Variants in HTR5A observed in about 807,000 individuals in gnomAD.
HTR5A encodes 5-HT-5.
Under a neutral mutation model 24.3 loss-of-function variants are expected in HTR5A, and 21 were observed. That is an observed-to-expected ratio of 0.86 (90% CI 0.61 to 1.24). The LOEUF is 1.24. Ranked by LOEUF, HTR5A falls within the 50% of genes most tolerant of loss-of-function variation. The probability of loss-of-function intolerance (pLI) is 0.00; values close to 1 mark genes in which losing one functional copy is unlikely to be tolerated. For synonymous variants in HTR5A, 260 were observed against 213.7 expected (o/e 1.22, Z -1.89); for missense variants, 497 against 489.5 (o/e 1.02, Z -0.15).
intron 1 of HTR5A, among the ~76,000 whole-genome samples, chr7:155,073,640 C>A (rs1414451919): frequency 2.0e-5 from 3 of 151,792 alleles, no homozygotes; most frequent in Non-Finnish European, 4.4e-5. Context: ...TTTTATGAAT[C>A]TTCCTCTCCC....
At chr7:155,080,911 G>A (rs1795409899) in intron 1 of HTR5A, among the ~76,000 whole-genome samples, 1 of 152,170 alleles carries the variant, frequency 6.6e-6, no homozygotes, top group East Asian at 1.9e-4. Context: ...TTATTGGGGT[G>A]AGTCTGACCT....
In HTR5A at chr7:155,084,545, C is replaced by A; in HGVS notation, c.*58C>A. 1 of 1,385,266 alleles carries A rather than the reference C, an allele frequency of 7.2e-7. No individual in the cohort carries two copies. Among genetic ancestry groups the A allele is most frequent in the Non-Finnish European group, 9.9e-7 (1 of 1,005,390 alleles). 85.8% of individuals were successfully genotyped at this position (1,385,266 alleles called of 1,614,324 possible). ...CCATAATTCAGTGGAATTCCCAGTT[C>A]ATCCATTTCCCATCCCCACCCAACA... On this transcript the variant is annotated 3_prime_UTR_variant, in exon 2 of 2. Transcript: ENST00000287907.
chr7:155,077,736 A>T (rs920054011), intron 1 of HTR5A, among the ~76,000 whole-genome samples: 1 of 152,160 alleles, frequency 6.6e-6, no homozygotes, highest in African/African-American at 2.4e-5. Context: ...AAGTGCTGAG[A>T]TTACAGGTGT....
At chr7:155,074,210 C>T (rs148973078) in intron 1 of HTR5A, among the ~76,000 whole-genome samples, 10 of 152,216 alleles carry the variant, frequency 6.6e-5, no homozygotes, top group Non-Finnish European at 1.5e-4. Context: ...TATTCAAATA[C>T]ATGCCATGAA....
chr7:155,081,838 A>G (rs1795421287), intron 1 of HTR5A, among the ~76,000 whole-genome samples: 1 of 152,234 alleles, frequency 6.6e-6, no homozygotes, highest in Admixed American at 6.5e-5. Context: ...TCCCAGGGGT[A>G]CCATTTTAAA....
At chr7:155,081,869 G>A (rs561961276) in intron 1 of HTR5A, among the ~76,000 whole-genome samples, 1 of 152,322 alleles carries the variant, frequency 6.6e-6, no homozygotes, top group Non-Finnish European at 1.5e-5. Flanking sequence ...TCTTTCTTCT[G>A]TCAAGTGAGT....
chr7:155,087,019 T>C lies in HTR5A; in HGVS notation c.*2532T>C, dbSNP rs1346699820. 6.6e-6 allele frequency among the ~76,000 whole-genome samples: 1 copy of C among 152,118 alleles called. No homozygotes were observed. Among genetic ancestry groups the C allele is most frequent in the Non-Finnish European group, 1.5e-5 (1 of 68,020 alleles). Reference sequence around the variant, plus strand: ...CAATCCAAAGCCCTCCTTTCAGCTCTTGTAGAATATGTCGAACAAAACGCA... The same window carrying C: ...CAATCCAAAGCCCTCCTTTCAGCTCCTGTAGAATATGTCGAACAAAACGCA... On this transcript the variant is annotated 3_prime_UTR_variant, in exon 2 of 2. Transcript: ENST00000287907.
In HTR5A at chr7:155,071,529, C is replaced by A. The variant is rs758455681; in HGVS notation, c.630C>A (p.Tyr210Ter). Reference protein sequence around the residue: ...YAVFSTVGAFYLPLCVVLFVY... With the variant: ...YAVFSTVGAF ...TGTTCTCCACCGTAGGCGCCTTCTA[C>A]CTGCCGCTCTGTGTGGTGCTCTTCG... Residue 210 changes from tyrosine to a stop codon, truncating the protein, a stop_gained, in exon 1 of 2, where the codon TAC becomes TAA. Transcript: ENST00000287907. LOFTEE classifies it high-confidence loss of function. The A allele has an allele frequency of 6.2e-7, 1 of 1,614,212 alleles. No homozygotes were observed. Among genetic ancestry groups the A allele is most frequent in the Non-Finnish European group, 8.5e-7 (1 of 1,180,054 alleles).
chr7:155,072,929 A>G (rs1021477473), intron 1 of HTR5A, among the ~76,000 whole-genome samples: 10 of 152,200 alleles, frequency 6.6e-5, no homozygotes, highest in Non-Finnish European at 1.3e-4. Context: ...ACGAGGGGTC[A>G]GAGGCTACCT....
rs1316990588 is a variant in HTR5A at position 155,071,157 on chromosome 7, T to G, written c.258T>G (p.Asp86Glu). The change falls in exon 1 of 2, where the codon GAT becomes GAG. Residue 86 changes from aspartate to glutamate, a missense_variant. Coordinates refer to ENST00000287907, the MANE Select transcript of HTR5A (RefSeq NM_024012.4). ...HNLVASMAVS[D>E]VLVAALVMPL... ...TGGTGGCATCCATGGCCGTCTCGGATGTCCTGGTGGCCGCGCTGGTCATGC... is the reference window on the plus strand; with the variant it reads ...TGGTGGCATCCATGGCCGTCTCGGAGGTCCTGGTGGCCGCGCTGGTCATGC... 1 of 1,603,704 alleles carries G rather than the reference T, an allele frequency of 6.2e-7. No homozygotes were observed. Among genetic ancestry groups the G allele is most frequent in the Non-Finnish European group, 8.5e-7 (1 of 1,179,888 alleles).
Position 155,070,981 on chromosome 7 carries a change from G to C in HTR5A, c.82G>C (p.Asp28His). 1 of 1,611,500 alleles carries C rather than the reference G, an allele frequency of 6.2e-7. No individual in the cohort carries two copies. Among genetic ancestry groups the C allele is most frequent in the South Asian group, 1.1e-5 (1 of 91,058 alleles). Residue 28 changes from aspartate to histidine, a missense_variant, in exon 1 of 2, where the codon GAC (aspartate) becomes CAC (histidine). Physicochemically the swap from Asp to His is moderately conservative, Grantham distance 81. Coordinates refer to ENST00000287907, the MANE Select transcript of HTR5A (RefSeq NM_024012.4). ...GACCAACCACAGCCTCGGCAAAGAC[G>C]ACCTGCGCCCCAGCTCGCCCCTGCT... ...LETNHSLGKD[D>H]LRPSSPLLSV... is the part of the protein sequence containing the mutation.
At position 155,071,263 on chromosome 7, in the gene HTR5A, G is replaced by A. The variant is rs1795290092; in HGVS notation, c.364G>A (p.Val122Met). 1.2e-6 allele frequency: 2 copies of A among 1,606,678 alleles called. No homozygotes were observed. The highest frequency in any genetic ancestry group is 1.7e-6 in the Non-Finnish European group (2 of 1,179,884). Residue 122 changes from valine to methionine, a missense_variant, in exon 1 of 2, where the codon GTG (valine) becomes ATG (methionine). Transcript: ENST00000287907. Reference sequence around the variant, plus strand: ...GTGCCAGCTTTGGATCGCGTGCGACGTGCTTTGCTGCACGGCCAGCATCTG... The same window carrying A: ...GTGCCAGCTTTGGATCGCGTGCGACATGCTTTGCTGCACGGCCAGCATCTG... ...RLCQLWIACD[V>M]LCCTASIWNV...
chr7:155,079,603 A>G (rs944714678), intron 1 of HTR5A, among the ~76,000 whole-genome samples: 1 of 152,236 alleles, frequency 6.6e-6, no homozygotes, highest in South Asian at 2.1e-4. Flanking sequence ...CATTCATCAG[A>G]TGTTTTTCAT....
At chr7:155,074,679 A>G (rs1462978258) in intron 1 of HTR5A, 1 of 152,178 alleles carries the variant, frequency 6.6e-6, no homozygotes, top group Non-Finnish European at 1.5e-5. Flanking sequence ...TTGCCCTCCC[A>G]TCCTTATTCA....
At chr7:155,082,326 A>G (rs1013682791) in intron 1 of HTR5A, among the ~76,000 whole-genome samples, 1 of 151,590 alleles carries the variant, frequency 6.6e-6, no homozygotes, top group African/African-American at 2.4e-5. Flanking sequence ...AATGGCATCC[A>G]TGGTGTCATC....
In HTR5A at chr7:155,071,031, C is replaced by T; in HGVS notation, c.132C>T (p.Leu44=). 6.2e-7 allele frequency: 1 copy of T among 1,611,448 alleles called. No individual in the cohort carries two copies. Among genetic ancestry groups the T allele is most frequent in the Non-Finnish European group, 8.5e-7 (1 of 1,180,036 alleles). Residue 44 remains leucine, a synonymous_variant, in exon 1 of 2, where the codon CTC becomes CTT. Transcript: ENST00000287907. The part of the protein sequence containing the change: ...PLLSVFGVLI[L]TLLGFLVAAT... ...TCTCGGTCTTCGGAGTGCTTATTCTCACCTTGCTGGGCTTTCTGGTGGCGG... is the reference window on the plus strand; with the variant it reads ...TCTCGGTCTTCGGAGTGCTTATTCTTACCTTGCTGGGCTTTCTGGTGGCGG...
chr7:155,076,379 A>G (rs185799097), intron 1 of HTR5A, among the ~76,000 whole-genome samples: 1 of 152,128 alleles, frequency 6.6e-6, no homozygotes, highest in Non-Finnish European at 1.5e-5. Context: ...TTATTAGTCT[A>G]CATACATTCT....
In HTR5A at chr7:155,084,238, G is replaced by A; in HGVS notation, c.825G>A (p.Trp275Ter). 6.2e-7 allele frequency: 1 copy of A among 1,614,166 alleles called. No homozygotes were observed. ...CCTTCCAGCCAGAAGGGGACACGTGGCGGGAGCAGAAGGAGCAGCGGGCCG... is the reference window on the plus strand; with the variant it reads ...CCTTCCAGCCAGAAGGGGACACGTGACGGGAGCAGAAGGAGCAGCGGGCCG... ...TVTFQPEGDT[W>*]REQKEQRAAL... is the part of the protein sequence containing the mutation. The change falls in exon 2 of 2, where the codon TGG (tryptophan) becomes TGA (stop). Residue 275 changes from tryptophan (W) to a stop codon, truncating the protein, a stop_gained. Transcript: ENST00000287907. LOFTEE classifies it high-confidence loss of function.
intron 1 of HTR5A, 75 bp downstream of exon 1, chr7:155,071,715 C>A (rs2241860): frequency 2.0e-6 from 3 of 1,467,578 alleles, no homozygotes; most frequent in African/African-American, 1.4e-5. Context: ...ACCTGCCCCA[C>A]CCCCACACTT....
Sources: gnomAD v4.1 joint callset for allele counts (sites outside exome capture counted in the v4.1 genomes callset) on GRCh38, gnomAD v4.1.1 for gene constraint, MANE v1.5 for transcripts, NCBI Gene and HGNC (gene_info 2026-07-23, HGNC 2026-07-21) for gene names.